TOM1L1: variants seen among roughly 807,000 people sequenced by gnomAD.
The protein encoded by TOM1L1 is TOM1-like protein 1.
In TOM1L1, 64 loss-of-function variants were observed where a neutral mutation model predicts 63.4. The ratio of observed to expected loss-of-function variants is 1.01; its 90% CI spans 0.83 to 1.24. The LOEUF is 1.24. TOM1L1 is among the 50% of genes most tolerant of loss of function. The probability of loss-of-function intolerance (pLI) is 0.00; values close to 1 mark genes in which losing one functional copy is unlikely to be tolerated. For missense variants in TOM1L1, 536 were observed against 567.0 expected, an observed-to-expected ratio of 0.95 and a Z score of 0.55; for synonymous variants, 166 against 194.4, an observed-to-expected ratio of 0.85 and a Z score of 1.22.
chr17:54,922,703 T>G lies in TOM1L1; in HGVS notation c.720+6841T>G, dbSNP rs140955408. Among the ~76,000 whole-genome samples, 25 of 152,346 alleles carry G rather than the reference T, an allele frequency of 1.6e-4. 1 individual carries two copies. The East Asian group carries it at 4.8e-3, about 29-fold the overall frequency. Reference sequence around the variant, plus strand: ...GTCATAAAGGTCTTGATCTTTATCTTTTTGCTGAATGGGCTGAGAAGGAAG... The same window carrying G: ...GTCATAAAGGTCTTGATCTTTATCTGTTTGCTGAATGGGCTGAGAAGGAAG... On this transcript the variant is annotated intron_variant, in intron 7 of 15. Coordinates refer to ENST00000575882, the MANE Select transcript of TOM1L1 (RefSeq NM_005486.3).
At chr17:54,913,996 A>G (rs2048542058) in intron 5 of TOM1L1, 123 bp downstream of exon 5, 1 of 1,127,258 alleles carries the variant, frequency 8.9e-7, no homozygotes, top group Non-Finnish European at 1.2e-6. Flanking sequence ...TTAGAAGGAT[A>G]TTGCAATATC....
intron 7 of TOM1L1, among the ~76,000 whole-genome samples, chr17:54,929,211 G>A (rs1009641284): frequency 6.6e-6 from 1 of 152,048 alleles, no homozygotes; most frequent in African/African-American, 2.4e-5. Flanking sequence ...TTAATCGAAG[G>A]TGTGCCTGGA....
Position 54,923,883 on chromosome 17 carries a change from G to T in TOM1L1, c.721-6190G>T, listed in dbSNP as rs557429589. Among the ~76,000 whole-genome samples the T allele has an allele frequency of 2.6e-5, 4 of 152,142 alleles. No homozygotes were observed. In the South Asian group the frequency reaches 8.3e-4, roughly 32 times the overall value. On this transcript the variant is annotated intron_variant, in intron 7 of 15. Transcript: ENST00000575882. ...GCCTGTAATCCCAGCTACTCAGGAG[G>T]TTGAGGCAGTGAGCTGCCTGGGAGC...
At chr17:54,923,718 G>T (rs938939398) in intron 7 of TOM1L1, among the ~76,000 whole-genome samples, 3 of 151,302 alleles carry the variant, frequency 2.0e-5, no homozygotes, top group African/African-American at 7.3e-5. Flanking sequence ...GCTAATTTTT[G>T]TATTTTTAGT....
intron 3 of TOM1L1, among the ~76,000 whole-genome samples, chr17:54,909,082 T>C (rs1402998787): frequency 6.6e-6 from 1 of 151,938 alleles, no homozygotes; most frequent in Admixed American, 6.6e-5. Context: ...AACATGGTAA[T>C]ACCCTGTCTC....
rs886225855 is a variant in TOM1L1, at chr17:54,930,224, C to A, written c.854+18C>A. The stretch of plus-strand genomic sequence containing the variant: ...TATGAGAGGTGAGCAGATCATGTAC[C>A]CTCTTTACCCCTCTTCCATTTCTAC... On this transcript the variant is annotated intron_variant, in intron 8 of 15. Coordinates refer to ENST00000575882, the MANE Select transcript of TOM1L1 (RefSeq NM_005486.3). 1.2e-6 allele frequency: 2 copies of A among 1,613,020 alleles called. No homozygotes were observed. Among genetic ancestry groups the A allele is most frequent in the Admixed American group, 1.7e-5 (1 of 59,952 alleles).
At chr17:54,902,323 G>A (rs1045076733) in intron 1 of TOM1L1, among the ~76,000 whole-genome samples, 2 of 151,990 alleles carry the variant, frequency 1.3e-5, no homozygotes, top group Admixed American at 6.6e-5. Flanking sequence ...GTTTTGAGAC[G>A]GGGAGTGACA....
chr17:54,947,304 TATG>T lies in TOM1L1; in HGVS notation c.1177_1179del (p.Asp393del), dbSNP rs1255772269. On this transcript the variant is annotated inframe_deletion, in exon 12 of 16. Coordinates refer to ENST00000575882, the MANE Select transcript of TOM1L1 (RefSeq NM_005486.3). ...CCAAAACCTCACCTCAAGCCACGCA[TATG>T]ATAATGTAAGTAACAAAACTCTTTT... The T allele has an allele frequency of 2.5e-6, 4 of 1,614,190 alleles. No homozygotes were observed. In the East Asian group the frequency reaches 8.9e-5, roughly 36 times the overall value.
chr17:54,958,468 C>CCGTG (rs1487418935), intron 14 of TOM1L1: 1 of 152,230 alleles, frequency 6.6e-6, no homozygotes, highest in East Asian at 1.9e-4. Flanking sequence ...CGGTGGCTCA[C>CCGTG]GCCTATAATC....
At chr17:54,909,399 G>A (rs1217263352) in intron 3 of TOM1L1, among the ~76,000 whole-genome samples, 3 of 152,146 alleles carry the variant, frequency 2.0e-5, no homozygotes, top group African/African-American at 7.2e-5. Context: ...CACTATTCAC[G>A]GCCCAGGTGT....
intron 10 of TOM1L1, among the ~76,000 whole-genome samples, chr17:54,938,330 C>T (rs2048982515): frequency 6.6e-6 from 1 of 151,822 alleles, no homozygotes; most frequent in East Asian, 1.9e-4. Flanking sequence ...CCTGTCTCTA[C>T]TAAAAATACA....
At chr17:54,904,324 C>T (rs944905187) in intron 2 of TOM1L1, among the ~76,000 whole-genome samples, 1 of 143,108 alleles carries the variant, frequency 7.0e-6, no homozygotes, top group South Asian at 2.2e-4. Flanking sequence ...GAGCAGAGAT[C>T]ATGCCACTGC....
chr17:54,949,991 C>T lies in TOM1L1; in HGVS notation c.1289-54C>T, dbSNP rs372558739. 1.9e-4 allele frequency: 255 copies of T among 1,338,052 alleles called. 1 individual carries two copies. The African/African-American group carries it at 2.8e-3, about 15-fold the overall frequency. The allele number at this position is 1,338,052 out of a possible 1,614,324, so 82.9% of individuals were successfully genotyped here. ...TAAATTATAAAAAGAATATCAATTGCGTGTACTCCTCAAAAAGCACAATAT... is the reference window on the plus strand; with the variant it reads ...TAAATTATAAAAAGAATATCAATTGTGTGTACTCCTCAAAAAGCACAATAT... On this transcript the variant is annotated intron_variant, in intron 13 of 15. Transcript: ENST00000575882.
intron 5 of TOM1L1, 66 bp downstream of exon 5, chr17:54,913,939 A>T: frequency 6.6e-7 from 1 of 1,511,438 alleles, no homozygotes; most frequent in Non-Finnish European, 8.9e-7. Context: ...TTCTCATTAC[A>T]GGAGACAACC....
intron 8 of TOM1L1, among the ~76,000 whole-genome samples, chr17:54,930,814 C>A (rs932805355): frequency 9.2e-5 from 14 of 151,980 alleles, no homozygotes; most frequent in Admixed American, 6.6e-4. Context: ...TGCACTTCAG[C>A]CTTGGCAATA....
chr17:54,901,465 G>C (rs2048325974), intron 1 of TOM1L1, among the ~76,000 whole-genome samples: 1 of 152,142 alleles, frequency 6.6e-6, no homozygotes, highest in Non-Finnish European at 1.5e-5. Context: ...GGAGTGAAGA[G>C]GAGGGGAACA....
In TOM1L1 at chr17:54,910,103, A is replaced by G. The variant is rs193241094; in HGVS notation, c.223-2563A>G. Among the ~76,000 whole-genome samples, 277 of 152,282 alleles carry G rather than the reference A, an allele frequency of 1.8e-3. 1 individual carries two copies. The highest frequency in any genetic ancestry group is 6.1e-3 in the African/African-American group (255 of 41,570). On this transcript the variant is annotated intron_variant, in intron 3 of 15. Coordinates refer to ENST00000575882, the MANE Select transcript of TOM1L1 (RefSeq NM_005486.3). ...TCATGTTGACTCTTTGATTTTGTGC[A>G]TGTACCTCCTGGGAGTCTTACCCAT...
At chr17:54,946,472 T>C (rs944531868) in intron 11 of TOM1L1, among the ~76,000 whole-genome samples, 3 of 152,218 alleles carry the variant, frequency 2.0e-5, no homozygotes, top group Non-Finnish European at 2.9e-5. Flanking sequence ...ACAGCTCCTA[T>C]TGAAGAGGAA....
At chr17:54,923,197 C>T (rs1259752242) in intron 7 of TOM1L1, among the ~76,000 whole-genome samples, 1 of 152,178 alleles carries the variant, frequency 6.6e-6, no homozygotes, top group Admixed American at 6.5e-5. Flanking sequence ...TATGAACATT[C>T]ACATACAGGT....
Sources: gnomAD v4.1 joint callset for allele counts (sites outside exome capture counted in the v4.1 genomes callset) on GRCh38, gnomAD v4.1.1 for gene constraint, MANE v1.5 for transcripts, NCBI Gene and HGNC (gene_info 2026-07-23, HGNC 2026-07-21) for gene names.